The following TRERF1 variants were observed in gnomAD, a reference collection of about 807,000 sequenced individuals.
TRERF1 encodes transcriptional-regulating factor 1.
A neutral mutation model predicts 122.9 loss-of-function variants in TRERF1; 27 were observed. That is an observed-to-expected ratio of 0.22 (90% CI 0.16 to 0.30). TRERF1 has a LOEUF of 0.30. Among genes scored for constraint, TRERF1 ranks in the 10% least tolerant of loss-of-function variants. TRERF1 has a pLI of 1.00. For synonymous variants in TRERF1, 636 were observed against 641.7 expected (o/e 0.99, Z 0.13); for missense variants, 1,248 against 1,560.3 (o/e 0.80, Z 3.37).
chr6:42,318,943 CAGCAAGG>C, intron 3 of TRERF1, among the ~76,000 whole-genome samples: 1 of 152,356 alleles, frequency 6.6e-6, no homozygotes, highest in East Asian at 1.9e-4. Context: ...TCTCCTCCTG[CAGCAAGG>C]TGGAACTCCC....
intron 4 of TRERF1, among the ~76,000 whole-genome samples, chr6:42,293,880 T>C (rs1004406305): frequency 2.0e-5 from 3 of 152,056 alleles, no homozygotes; most frequent in Non-Finnish European, 4.4e-5. Context: ...ACTCACCTTC[T>C]GCAGAATAAA....
intron 2 of TRERF1, among the ~76,000 whole-genome samples, chr6:42,364,747 C>T (rs550579728): frequency 6.6e-6 from 1 of 152,218 alleles, no homozygotes; most frequent in Non-Finnish European, 1.5e-5. Context: ...TAAGCCCCCA[C>T]CAGTGGAGGC....
At position 42,309,873 on chromosome 6, in the gene TRERF1, A is replaced by G. The variant is rs1310750630; in HGVS notation, c.-370-9124T>C. 3.3e-5 allele frequency among the ~76,000 whole-genome samples: 5 copies of G among 151,456 alleles called. No homozygotes were observed. The East Asian group carries it at 7.8e-4, about 24-fold the overall frequency. Reference sequence around the variant, plus strand: ...ATGATCAGGGCTCACTGCAGCCTCAACCTCCTGGGCTCAAGTGATCCTCCC... The same window carrying G: ...ATGATCAGGGCTCACTGCAGCCTCAGCCTCCTGGGCTCAAGTGATCCTCCC... On this transcript the variant is annotated intron_variant, in intron 3 of 17. Transcript: ENST00000372922.
chr6:42,311,274 C>T (rs1331496071), intron 3 of TRERF1, among the ~76,000 whole-genome samples: 1 of 152,080 alleles, frequency 6.6e-6, no homozygotes, highest in African/African-American at 2.4e-5. Flanking sequence ...ATGGGTGGCG[C>T]CTATTCATGG....
At chr6:42,262,294 C>T (rs918058846) in intron 8 of TRERF1, among the ~76,000 whole-genome samples, 1 of 151,906 alleles carries the variant, frequency 6.6e-6, no homozygotes, top group African/African-American at 2.4e-5. Flanking sequence ...CTCCCTCTAC[C>T]CTGGCCCAGC....
At chr6:42,262,434 CAGAGAGAG>C (rs71778190) in intron 8 of TRERF1, among the ~76,000 whole-genome samples, 11 of 22,516 alleles carry the variant, frequency 4.9e-4, no homozygotes, top group East Asian at 1.2e-3. Context: ...TCCCTAGGGG[CAGAGAGAG>C]AGAGAGAGAG....
At chr6:42,287,669 C>T (rs894944476) in intron 4 of TRERF1, among the ~76,000 whole-genome samples, 1 of 152,166 alleles carries the variant, frequency 6.6e-6, no homozygotes, top group Non-Finnish European at 1.5e-5. Flanking sequence ...AACTGGGACC[C>T]CAGGGGCCCA....
chr6:42,258,099 G>A, intron 10 of TRERF1, 36 bp downstream of exon 10: 1 of 1,546,814 alleles, frequency 6.5e-7, no homozygotes, highest in Non-Finnish European at 8.9e-7. Context: ...AAGAAGCTGA[G>A]GCTTCTGTTC....
intron 16 of TRERF1, among the ~76,000 whole-genome samples, chr6:42,233,468 G>A (rs1771193623): frequency 6.6e-6 from 1 of 151,696 alleles, no homozygotes; most frequent in Non-Finnish European, 1.5e-5. Context: ...TGTAGTTTTA[G>A]TAGAGACAGG....
At chr6:42,309,889 T>G (rs537263671) in intron 3 of TRERF1, among the ~76,000 whole-genome samples, 1 of 140,604 alleles carries the variant, frequency 7.1e-6, no homozygotes, top group African/African-American at 2.7e-5. Flanking sequence ...TGGGCTCAAG[T>G]GATCCTCCCG....
intron 2 of TRERF1, among the ~76,000 whole-genome samples, chr6:42,407,834 C>T (rs772857222): frequency 6.6e-6 from 1 of 151,190 alleles, no homozygotes; most frequent in African/African-American, 2.4e-5. Context: ...TGGACGTGTG[C>T]GCACAGATAT....
intron 3 of TRERF1, among the ~76,000 whole-genome samples, chr6:42,357,390 A>G (rs528135347): frequency 2.0e-5 from 3 of 152,000 alleles, no homozygotes; most frequent in African/African-American, 7.2e-5. Context: ...ACTGTGCCAT[A>G]TAAGCATACG....
intron 1 of TRERF1, among the ~76,000 whole-genome samples, chr6:42,451,463 T>G (rs1013238853): frequency 2.0e-5 from 3 of 151,544 alleles, no homozygotes; most frequent in Admixed American, 2.0e-4. Flanking sequence ...TAGGAAGCTT[T>G]GGGTTTCCAA....
At chr6:42,288,512 G>T (rs1027607542) in intron 4 of TRERF1, among the ~76,000 whole-genome samples, 1 of 147,702 alleles carries the variant, frequency 6.8e-6, no homozygotes, top group African/African-American at 2.5e-5. Flanking sequence ...AGGTTGCCGT[G>T]AGCCAAGATG....
At chr6:42,258,262 G>T in intron 9 of TRERF1, 61 bp from the exon 10 acceptor site, 1 of 1,481,822 alleles carries the variant, frequency 6.7e-7, no homozygotes, top group Non-Finnish European at 9.4e-7. Flanking sequence ...AAAGACTAAA[G>T]CAAATGAGCA....
chr6:42,243,187 T>C, intron 15 of TRERF1, 61 bp downstream of exon 15: 1 of 1,424,214 alleles, frequency 7.0e-7, no homozygotes, highest in Non-Finnish European at 9.9e-7. Flanking sequence ...AGCTACTTAC[T>C]AACCTGGGCC....
chr6:42,343,121 A>C (rs1362454170), intron 3 of TRERF1, among the ~76,000 whole-genome samples: 1 of 152,128 alleles, frequency 6.6e-6, no homozygotes, highest in Non-Finnish European at 1.5e-5. Flanking sequence ...AACTCCATCC[A>C]TCTGTCACTG....
chr6:42,316,897 G>A (rs904662062), intron 3 of TRERF1, among the ~76,000 whole-genome samples: 1 of 152,098 alleles, frequency 6.6e-6, no homozygotes, highest in Non-Finnish European at 1.5e-5. Context: ...CACAAGATTT[G>A]TGACTTCCCC....
At chr6:42,380,956 C>T (rs965316893) in intron 2 of TRERF1, among the ~76,000 whole-genome samples, 1 of 152,224 alleles carries the variant, frequency 6.6e-6, no homozygotes, top group Non-Finnish European at 1.5e-5. Context: ...ACATCCATTT[C>T]CATGAGGATT....
Sources: gnomAD v4.1 joint callset for allele counts (sites outside exome capture counted in the v4.1 genomes callset) on GRCh38, gnomAD v4.1.1 for gene constraint, MANE v1.5 for transcripts, NCBI Gene and HGNC (gene_info 2026-07-23, HGNC 2026-07-21) for gene names.